EPB41L4A: variants seen among roughly 807,000 people sequenced by gnomAD.
EPB41L4A encodes the protein erythrocyte membrane protein band 4.1 like 4A.
In EPB41L4A, 100 loss-of-function variants were observed where a neutral mutation model predicts 108.6. The observed-to-expected ratio is 0.92, with a 90% CI of 0.78 to 1.09. The LOEUF is 1.09. Among genes scored for constraint, EPB41L4A ranks in the 50% least tolerant of loss-of-function variants. The probability of loss-of-function intolerance (pLI) is 0.00; values close to 1 mark genes in which losing one functional copy is unlikely to be tolerated. For missense variants in EPB41L4A, 1,030 were observed against 842.7 expected (o/e 1.22, Z -2.75); for synonymous variants, 319 against 289.0 (o/e 1.10, Z -1.05).
intron 1 of EPB41L4A, among the ~76,000 whole-genome samples, chr5:112,417,487 T>A (rs1293770820): frequency 1.3e-5 from 2 of 152,258 alleles, no homozygotes; most frequent in Admixed American, 6.5e-5. Flanking sequence ...CAATTTAGGA[T>A]GTTTTTGTGA....
At chr5:112,223,533 G>T (rs1290544808) in intron 12 of EPB41L4A, among the ~76,000 whole-genome samples, 1 of 152,060 alleles carries the variant, frequency 6.6e-6, no homozygotes. Flanking sequence ...ATCCCAAACC[G>T]CTGACAGACA....
At chr5:112,412,555 AACTG>A (rs1461528555) in intron 1 of EPB41L4A, among the ~76,000 whole-genome samples, 2 of 152,236 alleles carry the variant, frequency 1.3e-5, no homozygotes, top group African/African-American at 4.8e-5. Context: ...TCACAAAGTA[AACTG>A]ACTGGTTCCT....
chr5:112,164,994 G>T lies in EPB41L4A; in HGVS notation c.2057C>A (p.Thr686Asn). The T allele has an allele frequency of 6.2e-7, 1 of 1,612,696 alleles. No homozygotes were observed. Among genetic ancestry groups the T allele is most frequent in the South Asian group, 1.1e-5 (1 of 90,580 alleles). ...ACCCTTGACCCTTCATCAGGATCAA[G>T]TCTCTGTCTTGAGGCGGGAAGCTTG... ...TIQASRLKTE[T>N] is the part of the protein sequence containing the mutation. Residue 686 changes from threonine (T) to asparagine (N), a missense_variant, in exon 23 of 23, where the codon ACT (threonine) becomes AAT (asparagine). Physicochemically the swap from Thr to Asn is moderately conservative, Grantham distance 65. Coordinates refer to ENST00000261486, the MANE Select transcript of EPB41L4A (RefSeq NM_022140.5).
chr5:112,336,821 T>C (rs1323961391), intron 1 of EPB41L4A, among the ~76,000 whole-genome samples: 1 of 152,188 alleles, frequency 6.6e-6, no homozygotes, highest in Non-Finnish European at 1.5e-5. Context: ...CTAGAGGTAT[T>C]TGGGGTCAAT....
Position 112,268,583 on chromosome 5 carries a change from TTCACAC to T in EPB41L4A, c.336-2259_336-2254del, listed in dbSNP as rs553143013. ...TCTATTAAGACTTTGTGCACAGTGGTTCACACCTGTAACCCCAGTATTTTGGGAGGC... is the reference window on the plus strand; with the variant it reads ...TCTATTAAGACTTTGTGCACAGTGGTCTGTAACCCCAGTATTTTGGGAGGC... On this transcript the variant is annotated intron_variant, in intron 4 of 22. Transcript: ENST00000261486. 3.1e-3 allele frequency among the ~76,000 whole-genome samples: 465 copies of T among 152,070 alleles called. 1 individual carries two copies. The highest frequency in any genetic ancestry group is 6.8e-3 in the Middle Eastern group (2 of 294).
chr5:112,284,258 G>A (rs1409369344), intron 2 of EPB41L4A, among the ~76,000 whole-genome samples: 3 of 151,102 alleles, frequency 2.0e-5, no homozygotes, highest in African/African-American at 7.2e-5. Flanking sequence ...TGCCCTAAGA[G>A]ACTGTTCTTT....
chr5:112,190,359 G>C (rs1761635100), intron 17 of EPB41L4A, among the ~76,000 whole-genome samples: 1 of 152,112 alleles, frequency 6.6e-6, no homozygotes, highest in South Asian at 2.1e-4. Flanking sequence ...AAAAACTACA[G>C]ACCCTATCTT....
Position 112,265,850 on chromosome 5 carries a change from GC to G in EPB41L4A, c.433+382del, listed in dbSNP as rs760542819. 6.6e-5 allele frequency among the ~76,000 whole-genome samples: 10 copies of G among 152,316 alleles called. No homozygotes were observed. In the South Asian group the frequency reaches 2.1e-3, roughly 32 times the overall value. ...ATGCGGAACCTAGCAATAGCACCTG[GC>G]CATGCAGACTCTTCACAACAGCAAT... is the stretch of plus-strand genomic sequence containing the variant. On this transcript the variant is annotated intron_variant, in intron 5 of 22. Coordinates refer to ENST00000261486, the MANE Select transcript of EPB41L4A (RefSeq NM_022140.5).
At chr5:112,411,123 T>C (rs955392247) in intron 1 of EPB41L4A, among the ~76,000 whole-genome samples, 2 of 152,052 alleles carry the variant, frequency 1.3e-5, no homozygotes, top group Non-Finnish European at 2.9e-5. Flanking sequence ...TTCATCAAAC[T>C]TGGAAGCACA....
intron 1 of EPB41L4A, among the ~76,000 whole-genome samples, chr5:112,356,758 C>T (rs1047957196): frequency 1.3e-5 from 2 of 152,056 alleles, no homozygotes; most frequent in Admixed American, 6.5e-5. Context: ...AATCTGACAG[C>T]GATCTCAGTA....
At chr5:112,154,652 A>G (rs1759588624) in intron 12 of EPB41L4A, among the ~76,000 whole-genome samples, 1 of 152,214 alleles carries the variant, frequency 6.6e-6, no homozygotes, top group Non-Finnish European at 1.5e-5. Flanking sequence ...TGTCCATTTT[A>G]CACTGTGCAA....
upstream of EPB41L4A, chr5:112,419,835 C>T (rs866367828): frequency 2.2e-6 from 1 of 456,754 alleles, no homozygotes; most frequent in Non-Finnish European, 4.4e-6. Flanking sequence ...TTACGGGTGG[C>T]CGTGTGTAGC....
At chr5:112,158,882 A>G (rs1759742539), downstream of EPB41L4A, among the ~76,000 whole-genome samples, 1 of 152,216 alleles carries the variant, frequency 6.6e-6, no homozygotes. Flanking sequence ...CAGCCAAAAC[A>G]TGTCACTGAC....
chr5:112,157,042 G>C (rs950014875), intron 12 of EPB41L4A, among the ~76,000 whole-genome samples: 58 of 151,474 alleles, frequency 3.8e-4, no homozygotes, highest in African/African-American at 1.3e-3. Context: ...AAAATATAAA[G>C]ACATTATAAA....
intron 1 of EPB41L4A, among the ~76,000 whole-genome samples, chr5:112,394,263 T>C (rs1245054160): frequency 6.6e-6 from 1 of 151,956 alleles, no homozygotes; most frequent in East Asian, 1.9e-4. Flanking sequence ...GAGAGAGAAA[T>C]AAAAGGTATT....
At position 112,203,637 on chromosome 5, in the gene EPB41L4A, G is replaced by C. The variant is rs567192399; in HGVS notation, c.1376+738C>G. Reference sequence around the variant, plus strand: ...CTACCCGTATAGGTAAAATGTAACAGGATTCATTTTTTTCTGTGCTTTAAA... The same window carrying C: ...CTACCCGTATAGGTAAAATGTAACACGATTCATTTTTTTCTGTGCTTTAAA... On this transcript the variant is annotated intron_variant, in intron 15 of 22. Coordinates refer to ENST00000261486, the MANE Select transcript of EPB41L4A (RefSeq NM_022140.5). 2.8e-4 allele frequency among the ~76,000 whole-genome samples: 43 copies of C among 152,138 alleles called. 1 individual carries two copies. The South Asian group carries it at 5.4e-3, about 19-fold the overall frequency.
intron 9 of EPB41L4A, among the ~76,000 whole-genome samples, chr5:112,252,768 G>A (rs911888225): frequency 8.6e-5 from 13 of 151,796 alleles, no homozygotes; most frequent in Admixed American, 6.6e-4. Flanking sequence ...GGGATCATTA[G>A]GACCCCAAGC....
chr5:112,318,496 C>T (rs973896832), intron 1 of EPB41L4A, among the ~76,000 whole-genome samples: 1 of 152,158 alleles, frequency 6.6e-6, no homozygotes, highest in African/African-American at 2.4e-5. Context: ...TCAAGCCCAA[C>T]CTTTCAGACG....
rs200449454 is a variant in EPB41L4A at position 112,165,095 on chromosome 5, G to C, written c.1956C>G (p.Ser652Arg). The change falls in exon 23 of 23, where the codon AGC becomes AGG. Residue 652 changes from serine to arginine, a missense_variant. Ser to Arg is a moderately radical substitution (Grantham distance 110, BLOSUM62 -1). Coordinates refer to ENST00000261486, the MANE Select transcript of EPB41L4A (RefSeq NM_022140.5). ...ATGTCTGAGGTTTTTCTTCCATCAG[G>C]CTATCTTTAGACCCATTTCTTCTCT... Reference protein sequence around the residue: ...VHQRRNGSKDSLMEEKPQTST... With the variant: ...VHQRRNGSKDRLMEEKPQTST... 5.6e-4 allele frequency: 882 copies of C among 1,580,756 alleles called. No homozygotes were observed. Among genetic ancestry groups the C allele is most frequent in the Non-Finnish European group, 6.4e-4 (753 of 1,168,356 alleles).
Sources: allele counts gnomAD v4.1 joint callset (sites outside exome capture counted in the v4.1 genomes callset), GRCh38; gene constraint gnomAD v4.1.1; transcripts MANE v1.5; gene names NCBI Gene and HGNC (gene_info 2026-07-23, HGNC 2026-07-21).